CCSER1: variants seen among roughly 807,000 people sequenced by gnomAD.
CCSER1 encodes coiled-coil serine rich protein 1, also known as serine-rich coiled-coil domain-containing protein 1.
In CCSER1, 41 loss-of-function variants were observed where a neutral mutation model predicts 82.0. The observed-to-expected ratio is 0.50, with a 90% CI of 0.39 to 0.65. The LOEUF (loss-of-function observed/expected upper bound fraction) is 0.65. CCSER1 is among the 30% of genes least tolerant of loss of function. The probability of loss-of-function intolerance (pLI) is 0.00; values close to 1 mark genes in which losing one functional copy is unlikely to be tolerated. For missense variants in CCSER1, 1,119 were observed against 1,064.2 expected, an observed-to-expected ratio of 1.05 and a Z score of -0.72; for synonymous variants, 414 against 383.9, an observed-to-expected ratio of 1.08 and a Z score of -0.92.
intron 9 of CCSER1, among the ~76,000 whole-genome samples, chr4:91,023,566 CT>C (rs1404406122): frequency 6.6e-6 from 1 of 152,186 alleles, no homozygotes; most frequent in Non-Finnish European, 1.5e-5. Flanking sequence ...AAAGGATTCC[CT>C]GTTTAATAAA....
At chr4:91,174,083 T>C (rs1232418839) in intron 10 of CCSER1, among the ~76,000 whole-genome samples, 1 of 152,158 alleles carries the variant, frequency 6.6e-6, no homozygotes, top group Non-Finnish European at 1.5e-5. Context: ...ACTGAAGGGA[T>C]CTTGAAGCTT....
chr4:91,236,437 C>G (rs1361864585), intron 10 of CCSER1, among the ~76,000 whole-genome samples: 2 of 151,100 alleles, frequency 1.3e-5, no homozygotes, highest in Non-Finnish European at 3.0e-5. Context: ...GAGCCGAGAT[C>G]ACACCACTGC....
At chr4:91,088,219 T>A (rs145821329) in intron 10 of CCSER1, among the ~76,000 whole-genome samples, 1 of 152,276 alleles carries the variant, frequency 6.6e-6, no homozygotes, top group Non-Finnish European at 1.5e-5. Context: ...AATAATTGTT[T>A]ATTATGATGA....
At chr4:90,623,178 C>T (rs1722665416) in intron 5 of CCSER1, among the ~76,000 whole-genome samples, 1 of 151,546 alleles carries the variant, frequency 6.6e-6, no homozygotes, top group Non-Finnish European at 1.5e-5. Flanking sequence ...CAGGCACCCG[C>T]CACCACTCCC....
At chr4:90,745,167 G>T (rs933525876) in intron 7 of CCSER1, among the ~76,000 whole-genome samples, 2 of 152,036 alleles carry the variant, frequency 1.3e-5, no homozygotes, top group African/African-American at 4.8e-5. Context: ...GGCTATAAGG[G>T]ACAGTTTGTT....
intron 1 of CCSER1, among the ~76,000 whole-genome samples, chr4:90,238,650 C>G (rs796391120): frequency 6.6e-6 from 1 of 151,978 alleles, no homozygotes; most frequent in Non-Finnish European, 1.5e-5. Context: ...CCTTCTCACA[C>G]CCCCTCAACT....
In CCSER1 at chr4:90,468,275, G is replaced by C; in HGVS notation, c.1645G>C (p.Ala549Pro). The stretch of plus-strand genomic sequence containing the variant: ...ATATCACTCTGTCGTCTCATGTGCC[G>C]CAGTAGTTCTTACTCCTATGGAACC... Reference protein sequence around the residue: ...DSYHSVVSCAAVVLTPMEPMI... With the variant: ...DSYHSVVSCAPVVLTPMEPMI... The change falls in exon 5 of 11, where the codon GCA becomes CCA. Residue 549 changes from alanine to proline, a missense_variant. Physicochemically the swap from Ala to Pro is conservative, Grantham distance 27. Transcript: ENST00000509176. 6.2e-7 allele frequency: 1 copy of C among 1,607,842 alleles called. No homozygotes were observed. Among genetic ancestry groups the C allele is most frequent in the Non-Finnish European group, 8.5e-7 (1 of 1,176,094 alleles).
intron 5 of CCSER1, among the ~76,000 whole-genome samples, chr4:90,531,160 TG>T (rs1774467897): frequency 6.6e-6 from 1 of 151,980 alleles, no homozygotes; most frequent in African/African-American, 2.4e-5. Flanking sequence ...TTTGGCCTTT[TG>T]TTTTTTTTTT....
chr4:90,475,197 T>A (rs887678651), intron 5 of CCSER1, among the ~76,000 whole-genome samples: 2 of 152,222 alleles, frequency 1.3e-5, no homozygotes, highest in African/African-American at 2.4e-5. Context: ...CAATTTTCCT[T>A]CATTTACCCT....
intron 7 of CCSER1, among the ~76,000 whole-genome samples, chr4:90,734,278 A>G (rs769874704): frequency 3.3e-5 from 5 of 151,978 alleles, no homozygotes; most frequent in South Asian, 2.1e-4. Context: ...GGCTCCCACC[A>G]CCACGCCCGG....
At chr4:90,378,323 A>T (rs1748682709) in intron 3 of CCSER1, among the ~76,000 whole-genome samples, 1 of 152,196 alleles carries the variant, frequency 6.6e-6, no homozygotes, top group Admixed American at 6.6e-5. Flanking sequence ...TTTTATGTTA[A>T]CAACAAATGT....
At chr4:90,556,464 G>T (rs1778152625) in intron 5 of CCSER1, among the ~76,000 whole-genome samples, 1 of 151,956 alleles carries the variant, frequency 6.6e-6, no homozygotes, top group Non-Finnish European at 1.5e-5. Flanking sequence ...GTGGCCGAAC[G>T]CTTGTGCAGT....
chr4:90,502,674 A>T (rs1770089836), intron 5 of CCSER1, among the ~76,000 whole-genome samples: 1 of 152,196 alleles, frequency 6.6e-6, no homozygotes, highest in Non-Finnish European at 1.5e-5. Context: ...TCAAGGAAAA[A>T]AAACAAGATC....
chr4:91,323,195 G>A (rs1344347904), intron 10 of CCSER1, among the ~76,000 whole-genome samples: 2 of 152,150 alleles, frequency 1.3e-5, no homozygotes, highest in Non-Finnish European at 2.9e-5. Flanking sequence ...CTGAGGACAG[G>A]TGTTTGGTGA....
intron 10 of CCSER1, among the ~76,000 whole-genome samples, chr4:91,182,955 A>G (rs1045329112): frequency 1.3e-5 from 2 of 152,230 alleles, no homozygotes; most frequent in Non-Finnish European, 2.9e-5. Flanking sequence ...GTAATGCTGT[A>G]TCTGTGTTTG....
At chr4:90,229,076 A>G (rs2153426092) in intron 1 of CCSER1, among the ~76,000 whole-genome samples, 1 of 152,340 alleles carries the variant, frequency 6.6e-6, no homozygotes, top group East Asian at 1.9e-4. Flanking sequence ...AACTTCCCCA[A>G]TCTAGCAAGG....
chr4:91,422,412 A>G (rs934576802), intron 10 of CCSER1, among the ~76,000 whole-genome samples: 1 of 152,010 alleles, frequency 6.6e-6, no homozygotes, highest in Non-Finnish European at 1.5e-5. Flanking sequence ...GAATTTTCTT[A>G]TGTGTACAAC....
At chr4:90,976,775 G>A (rs544576134) in intron 9 of CCSER1, among the ~76,000 whole-genome samples, 2 of 151,526 alleles carry the variant, frequency 1.3e-5, no homozygotes, top group South Asian at 4.2e-4. Context: ...AGCAAGTGTA[G>A]GTGACCAAAA....
intron 10 of CCSER1, among the ~76,000 whole-genome samples, chr4:91,301,118 A>T (rs1744634090): frequency 6.6e-6 from 1 of 151,918 alleles, no homozygotes; most frequent in South Asian, 2.1e-4. Flanking sequence ...ACAGATGGGT[A>T]TTGATAAATA....
Sources: allele counts gnomAD v4.1 joint callset (sites outside exome capture counted in the v4.1 genomes callset), GRCh38; gene constraint gnomAD v4.1.1; transcripts MANE v1.5; gene names NCBI Gene and HGNC (gene_info 2026-07-23, HGNC 2026-07-21).